AMPH: variants seen among roughly 807,000 people sequenced by gnomAD.
AMPH encodes the protein amphiphysin, also known as amphiphysin (Stiff-Mann syndrome with breast cancer 128kD autoantigen).
A neutral mutation model predicts 99.1 loss-of-function variants in AMPH; 49 were observed. The ratio of observed to expected loss-of-function variants is 0.49; its 90% CI spans 0.39 to 0.63. The LOEUF is 0.63. Ranked by LOEUF, AMPH falls within the 20% of genes least tolerant of loss-of-function variation. The pLI is 0.00. For missense variants in AMPH, 759 were observed against 863.4 expected, an observed-to-expected ratio of 0.88 and a Z score of 1.52; for synonymous variants, 314 against 317.3, an observed-to-expected ratio of 0.99 and a Z score of 0.11.
chr7:38,416,252 G>A (rs1785383370), intron 17 of AMPH, among the ~76,000 whole-genome samples: 1 of 151,910 alleles, frequency 6.6e-6, no homozygotes, highest in African/African-American at 2.4e-5. Flanking sequence ...GAGGATGGGT[G>A]TGGGAGGTAT....
intron 2 of AMPH, among the ~76,000 whole-genome samples, chr7:38,528,222 T>C (rs924902407): frequency 1.3e-5 from 2 of 152,156 alleles, no homozygotes; most frequent in African/African-American, 4.8e-5. Flanking sequence ...ATACTATTGT[T>C]GTCTGGTTTT....
chr7:38,613,462 C>T (rs1314799749), intron 1 of AMPH, among the ~76,000 whole-genome samples: 1 of 152,172 alleles, frequency 6.6e-6, no homozygotes, highest in Non-Finnish European at 1.5e-5. Context: ...CCTGACAATG[C>T]TTCCAAGGAG....
chr7:38,432,901 A>G (rs926434704), intron 12 of AMPH, among the ~76,000 whole-genome samples: 1 of 152,244 alleles, frequency 6.6e-6, no homozygotes, highest in Non-Finnish European at 1.5e-5. Context: ...TTTTAATTAT[A>G]AAGCTTATGA....
Position 38,392,086 on chromosome 7 carries a change from C to G in AMPH, c.1609-69G>C, listed in dbSNP as rs534570620. 15 of 1,520,676 alleles carry G rather than the reference C, an allele frequency of 9.9e-6. No homozygotes were observed. In the South Asian group the frequency reaches 1.8e-4, roughly 18 times the overall value. The allele number at this position is 1,520,676 out of a possible 1,614,324, so 94.2% of individuals were successfully genotyped here. A position where few individuals can be genotyped will look rare whatever the true frequency, so the allele number is the denominator to read the frequency against. ...AACAGAACCTCCTTGTCCTGCACAACCTGCCTTAGCCCCCAGCCCAAAGCT... is the reference window on the plus strand; with the variant it reads ...AACAGAACCTCCTTGTCCTGCACAAGCTGCCTTAGCCCCCAGCCCAAAGCT... On this transcript the variant is annotated intron_variant, in intron 18 of 20. Transcript: ENST00000356264.
At chr7:38,602,936 G>T (rs1379568885) in intron 1 of AMPH, among the ~76,000 whole-genome samples, 1 of 152,020 alleles carries the variant, frequency 6.6e-6, no homozygotes, top group Non-Finnish European at 1.5e-5. Flanking sequence ...CAATATCCCG[G>T]CCCAATGGAA....
intron 17 of AMPH, among the ~76,000 whole-genome samples, chr7:38,411,209 G>A (rs1054551941): frequency 1.3e-5 from 2 of 152,112 alleles, no homozygotes; most frequent in Admixed American, 1.3e-4. Context: ...CCTATTTCAC[G>A]GGACTGCTGT....
chr7:38,586,186 G>A (rs78132647), intron 1 of AMPH, among the ~76,000 whole-genome samples: 2,573 of 152,180 alleles, frequency 0.017, 62 homozygotes, highest in African/African-American at 0.052. Flanking sequence ...AATTTTCATC[G>A]TGGAAATTTT....
Position 38,454,660 on chromosome 7 carries a change from A to T in AMPH, c.1017+6623T>A, listed in dbSNP as rs144972008. Among the ~76,000 whole-genome samples the T allele has an allele frequency of 7.9e-3, 1,210 of 152,350 alleles. 16 individuals are homozygous for T. Among genetic ancestry groups the T allele is most frequent in the African/African-American group, 0.028 (1,147 of 41,572 alleles). ...GACTTTCATTTGCCAATTCATGTAA[A>T]TAATATGCCCCTGTTGAAGGACAAA... is the stretch of plus-strand genomic sequence containing the variant. On this transcript the variant is annotated intron_variant, in intron 11 of 20. Transcript: ENST00000356264.
At chr7:38,522,615 T>G (rs114884228) in intron 2 of AMPH, among the ~76,000 whole-genome samples, 175 of 151,948 alleles carry the variant, frequency 1.2e-3, no homozygotes, top group African/African-American at 4.0e-3. Context: ...AAGGGGAAAG[T>G]GTAGGTGGGT....
At chr7:38,615,365 C>T (rs1192744066) in intron 1 of AMPH, among the ~76,000 whole-genome samples, 1 of 152,078 alleles carries the variant, frequency 6.6e-6, no homozygotes, top group South Asian at 2.1e-4. Flanking sequence ...AATTAAGATA[C>T]CTTGAGTGCA....
chr7:38,551,999 G>A (rs1047511698), intron 1 of AMPH, among the ~76,000 whole-genome samples: 1 of 152,100 alleles, frequency 6.6e-6, no homozygotes. Context: ...TAACTAGTTG[G>A]AAAAACAAAA....
intron 17 of AMPH, among the ~76,000 whole-genome samples, chr7:38,406,587 C>T (rs1393295670): frequency 6.6e-6 from 1 of 151,920 alleles, no homozygotes; most frequent in Non-Finnish European, 1.5e-5. Context: ...ACATTTGAGT[C>T]AGTGGACTGG....
chr7:38,560,199 T>C (rs1791506761), intron 1 of AMPH, among the ~76,000 whole-genome samples: 1 of 152,170 alleles, frequency 6.6e-6, no homozygotes, highest in South Asian at 2.1e-4. Flanking sequence ...AGCGGAGGCT[T>C]GAAAAGTCCC....
intron 1 of AMPH, among the ~76,000 whole-genome samples, chr7:38,627,148 A>T (rs894989542): frequency 1.3e-4 from 20 of 151,974 alleles, no homozygotes; most frequent in Admixed American, 1.0e-3. Flanking sequence ...AACCAGTCCA[A>T]CCCGTGGTCT....
At chr7:38,558,189 G>A (rs1791431692) in intron 1 of AMPH, among the ~76,000 whole-genome samples, 2 of 152,166 alleles carry the variant, frequency 1.3e-5, no homozygotes, top group South Asian at 4.1e-4. Context: ...AACACTCTAA[G>A]CACAGTTTCT....
chr7:38,524,789 T>A (rs1221196055), intron 2 of AMPH, among the ~76,000 whole-genome samples: 1 of 152,180 alleles, frequency 6.6e-6, no homozygotes, highest in African/African-American at 2.4e-5. Flanking sequence ...CAATATGAAT[T>A]TAATCTTTTC....
In AMPH at chr7:38,391,922, G is replaced by A; in HGVS notation, c.1704C>T (p.Thr568=). ...EITIGAEPKE[T]TEDAAPPGPT... is the part of the protein sequence containing the mutation. ...GGCCCGGAGGAGCCGCGTCCTCGGT[G>A]GTCTCCTTGGGCTCTGCACCTATAG... Residue 568 remains threonine, a synonymous_variant, in exon 19 of 21, where the codon ACC becomes ACT. Transcript: ENST00000356264. 1 of 1,612,650 alleles carries A rather than the reference G, an allele frequency of 6.2e-7. No individual in the cohort carries two copies. The highest frequency in any genetic ancestry group is 8.5e-7 in the Non-Finnish European group (1 of 1,179,930).
intron 1 of AMPH, among the ~76,000 whole-genome samples, chr7:38,610,315 A>G (rs994270810): frequency 7.5e-5 from 3 of 39,894 alleles, no homozygotes; most frequent in African/African-American, 1.5e-4. Flanking sequence ...AGAAAAGAAA[A>G]GAAAAGAAAA....
intron 17 of AMPH, among the ~76,000 whole-genome samples, chr7:38,412,048 A>G (rs1490823981): frequency 6.6e-6 from 1 of 152,170 alleles, no homozygotes; most frequent in Non-Finnish European, 1.5e-5. Flanking sequence ...AGATAAATCC[A>G]TAGCACATTG....
Sources: allele counts gnomAD v4.1 joint callset (sites outside exome capture counted in the v4.1 genomes callset), GRCh38; gene constraint gnomAD v4.1.1; transcripts MANE v1.5; gene names NCBI Gene and HGNC (gene_info 2026-07-23, HGNC 2026-07-21).